DIAPH3: variants seen among roughly 807,000 people sequenced by gnomAD.
DIAPH3 encodes the protein protein diaphanous homolog 3.
In DIAPH3, 117 loss-of-function variants were observed where a neutral mutation model predicts 144.3. The observed-to-expected ratio is 0.81, with a 90% CI of 0.70 to 0.95. The LOEUF (loss-of-function observed/expected upper bound fraction) is 0.95. Among genes scored for constraint, DIAPH3 ranks in the 40% least tolerant of loss-of-function variants. The pLI is 0.00. For synonymous variants in DIAPH3, 519 were observed against 488.9 expected, an observed-to-expected ratio of 1.06 and a Z score of -0.81; for missense variants, 1,421 against 1,412.7, an observed-to-expected ratio of 1.01 and a Z score of -0.09.
chr13:59,793,776 C>T (rs148799557), intron 25 of DIAPH3, among the ~76,000 whole-genome samples: 1 of 152,254 alleles, frequency 6.6e-6, no homozygotes, highest in East Asian at 1.9e-4. Flanking sequence ...ACTAGGGTGA[C>T]CAACCATCCT....
At chr13:59,812,013 C>T (rs1039117433) in intron 24 of DIAPH3, among the ~76,000 whole-genome samples, 1 of 151,994 alleles carries the variant, frequency 6.6e-6, no homozygotes, top group South Asian at 2.1e-4. Flanking sequence ...ACACATTGGA[C>T]GTTTATCACC....
In DIAPH3 at chr13:59,745,121, GT is replaced by G. The variant is rs1196551936; in HGVS notation, c.3319+29067del. Among the ~76,000 whole-genome samples the G allele has an allele frequency of 2.6e-5, 4 of 152,264 alleles. No homozygotes were observed. In the East Asian group the frequency reaches 7.7e-4, roughly 29 times the overall value. ...GAAGAATTTAAAAACTTGGTTATTT[GT>G]TTGCTTTGCTTTTTCCTCTAGCTTT... On this transcript the variant is annotated intron_variant, in intron 27 of 27. Transcript: ENST00000400324.
At chr13:59,881,547 A>G (rs1448202753) in intron 20 of DIAPH3, among the ~76,000 whole-genome samples, 1 of 152,188 alleles carries the variant, frequency 6.6e-6, no homozygotes, top group East Asian at 1.9e-4. Context: ...TTAAATGCCT[A>G]CATTATACCA....
intron 26 of DIAPH3, 126 bp downstream of exon 26, chr13:59,774,602 A>G: frequency 1.1e-6 from 1 of 908,322 alleles, no homozygotes; most frequent in Non-Finnish European, 1.8e-6. Context: ...AACTTATGAA[A>G]CTTCTGAACA....
chr13:59,697,959 A>T (rs1413574583), intron 27 of DIAPH3, among the ~76,000 whole-genome samples: 5 of 152,214 alleles, frequency 3.3e-5, no homozygotes, highest in Non-Finnish European at 5.9e-5. Flanking sequence ...TTGCTTTTAC[A>T]TTCAATTTTG....
At chr13:60,046,361 CAT>C (rs1303390023) in intron 4 of DIAPH3, among the ~76,000 whole-genome samples, 1 of 152,006 alleles carries the variant, frequency 6.6e-6, no homozygotes, top group African/African-American at 2.4e-5. Flanking sequence ...GGCCAAAAGA[CAT>C]ATTAAAAAAA....
intron 4 of DIAPH3, among the ~76,000 whole-genome samples, chr13:60,046,098 C>A (rs900084402): frequency 6.6e-6 from 1 of 152,164 alleles, no homozygotes; most frequent in Non-Finnish European, 1.5e-5. Flanking sequence ...CTCTTCTCTT[C>A]CAACTCCTGA....
At chr13:59,693,186 T>C (rs1436825145) in intron 27 of DIAPH3, among the ~76,000 whole-genome samples, 11 of 152,142 alleles carry the variant, frequency 7.2e-5, no homozygotes, top group Admixed American at 7.2e-4. Flanking sequence ...AAGGCGCTTA[T>C]GACTGGAAAG....
intron 2 of DIAPH3, among the ~76,000 whole-genome samples, chr13:60,128,515 A>ATCTTACTTAATT (rs1328503480): frequency 6.6e-6 from 1 of 152,230 alleles, no homozygotes; most frequent in Non-Finnish European, 1.5e-5. Context: ...TTTACCAAGC[A>ATCTTACTTAATT]TCTTACTTAA....
intron 27 of DIAPH3, among the ~76,000 whole-genome samples, chr13:59,752,358 ATG>A (rs1176038635): frequency 1.3e-5 from 2 of 151,612 alleles, no homozygotes; most frequent in Non-Finnish European, 2.9e-5. Context: ...ATAAGCAATA[ATG>A]TAGTCAATTT....
intron 9 of DIAPH3, among the ~76,000 whole-genome samples, chr13:60,008,308 A>T (rs770564250): frequency 6.6e-6 from 1 of 152,182 alleles, no homozygotes; most frequent in Non-Finnish European, 1.5e-5. Flanking sequence ...AGGCAGAAGA[A>T]TGGTGTGAAC....
At chr13:60,155,034 A>G (rs930224989) in intron 1 of DIAPH3, among the ~76,000 whole-genome samples, 1 of 152,206 alleles carries the variant, frequency 6.6e-6, no homozygotes, top group African/African-American at 2.4e-5. Flanking sequence ...TAAATATATA[A>G]AGATTCTAGG....
chr13:59,745,144 C>G (rs1429370110), intron 27 of DIAPH3, among the ~76,000 whole-genome samples: 1 of 152,086 alleles, frequency 6.6e-6, no homozygotes, highest in Non-Finnish European at 1.5e-5. Flanking sequence ...TTTCCTCTAG[C>G]TTTAACACAC....
chr13:60,015,839 A>G (rs2053604521), intron 7 of DIAPH3, 74 bp downstream of exon 7: 3 of 1,291,048 alleles, frequency 2.3e-6, no homozygotes, highest in African/African-American at 1.5e-5. Context: ...ACAATTTACC[A>G]TCACTTTACT....
intron 21 of DIAPH3, among the ~76,000 whole-genome samples, chr13:59,870,608 A>T (rs1321155428): frequency 6.6e-6 from 1 of 151,802 alleles, no homozygotes. Flanking sequence ...TTCTATGAAC[A>T]TGAAATGTCT....
chr13:60,085,352 T>TA (rs1456324727), intron 4 of DIAPH3, among the ~76,000 whole-genome samples: 7 of 152,206 alleles, frequency 4.6e-5, no homozygotes, highest in African/African-American at 1.7e-4. Flanking sequence ...GGTCCATGCT[T>TA]AGCCTTTAAA....
At chr13:59,880,592 T>A (rs1037867836) in intron 20 of DIAPH3, among the ~76,000 whole-genome samples, 6 of 152,046 alleles carry the variant, frequency 3.9e-5, no homozygotes, top group Non-Finnish European at 8.8e-5. Context: ...GACCGTTACT[T>A]AAAATATACT....
intron 22 of DIAPH3, 115 bp from the exon 23 acceptor site, chr13:59,839,563 A>G (rs1018872696): frequency 2.1e-6 from 2 of 965,916 alleles, no homozygotes; most frequent in Non-Finnish European, 2.9e-6. Flanking sequence ...AAGAAAATTC[A>G]TTATAAAATA....
intron 20 of DIAPH3, among the ~76,000 whole-genome samples, chr13:59,886,923 A>G (rs1302927094): frequency 6.6e-6 from 1 of 152,068 alleles, no homozygotes. Context: ...AGACTAGTAC[A>G]TTATAATGCT....
Sources: allele counts gnomAD v4.1 joint callset (sites outside exome capture counted in the v4.1 genomes callset), GRCh38; gene constraint gnomAD v4.1.1; transcripts MANE v1.5; gene names NCBI Gene and HGNC (gene_info 2026-07-23, HGNC 2026-07-21).